The following TLK1 variants were observed in gnomAD, a reference collection of about 807,000 sequenced individuals.
TLK1 encodes the protein serine/threonine-protein kinase tousled-like 1.
TLK1 carries 24 observed loss-of-function variants against 105.3 expected under a neutral mutation model. The observed-to-expected ratio is 0.23, with a 90% confidence interval of 0.17 to 0.32. TLK1 has a LOEUF of 0.32. Ranked by LOEUF, TLK1 falls within the 10% of genes least tolerant of loss-of-function variation. The pLI, the probability that TLK1 is intolerant of heterozygous loss-of-function variation, is 1.00. For missense variants in TLK1, 558 were observed against 910.5 expected (o/e 0.61, Z 4.98); for synonymous variants, 321 against 310.4 (o/e 1.03, Z -0.36).
chr2:171,098,815 C>T (rs989460719), intron 2 of TLK1, among the ~76,000 whole-genome samples: 7 of 152,074 alleles, frequency 4.6e-5, no homozygotes, highest in Non-Finnish European at 7.4e-5. Flanking sequence ...GTTAGTTCAA[C>T]ATACACCAGC....
chr2:171,182,411 T>G (rs909465617), intron 1 of TLK1, among the ~76,000 whole-genome samples: 25 of 152,192 alleles, frequency 1.6e-4, no homozygotes, highest in Admixed American at 9.2e-4. Flanking sequence ...GGGCTACTTA[T>G]TAGAATGCAG....
At chr2:171,121,107 T>C (rs1238190296) in intron 1 of TLK1, among the ~76,000 whole-genome samples, 2 of 152,146 alleles carry the variant, frequency 1.3e-5, no homozygotes, top group Non-Finnish European at 2.9e-5. Flanking sequence ...GTACAGAGTT[T>C]CAGCTGAGGA....
intron 14 of TLK1, among the ~76,000 whole-genome samples, chr2:171,009,392 C>T (rs1398279937): frequency 6.7e-6 from 1 of 149,974 alleles, no homozygotes; most frequent in Non-Finnish European, 1.5e-5. Flanking sequence ...CAACCTCCCA[C>T]CACCAAGGTT....
chr2:171,122,254 G>A (rs1256504203), intron 1 of TLK1, among the ~76,000 whole-genome samples: 3 of 152,102 alleles, frequency 2.0e-5, no homozygotes, highest in East Asian at 1.9e-4. Flanking sequence ...GTGAGCCACC[G>A]CACCCGGCCC....
At chr2:171,140,109 T>C (rs915006682) in intron 1 of TLK1, among the ~76,000 whole-genome samples, 3 of 152,180 alleles carry the variant, frequency 2.0e-5, no homozygotes, top group East Asian at 3.9e-4. Context: ...GGACCCGATA[T>C]AACCAATTGA....
In TLK1 at chr2:171,006,834, T is replaced by C; in HGVS notation, c.1564A>G (p.Lys522Glu). ...HKELDHPRIV[K>E]LYDYFSLDTD... ...TCCAAGGAGAAATAATCATAGAGTT[T>C]AACTATTCTGGGGTGATCCAGTTCT... Residue 522 changes from lysine to glutamate, a missense_variant, in exon 16 of 21, where the codon AAA becomes GAA. By Grantham distance (56) the Lys-to-Glu change is moderately conservative (BLOSUM62 1). This residue lies in a region of TLK1 where 218 missense variants were observed against 492.9 expected (regional missense o/e 0.44). Transcript: ENST00000431350. The C allele has an allele frequency of 6.2e-7, 1 of 1,613,250 alleles. No individual in the cohort carries two copies. Among genetic ancestry groups the C allele is most frequent in the East Asian group, 2.2e-5 (1 of 44,740 alleles).
chr2:171,203,144 C>A (rs1693434831), intron 1 of TLK1, among the ~76,000 whole-genome samples: 1 of 151,746 alleles, frequency 6.6e-6, no homozygotes. Context: ...TCCCCATGCC[C>A]TCTTGGTGAG....
chr2:171,123,827 C>CA (rs1386285960), intron 1 of TLK1, among the ~76,000 whole-genome samples: 1 of 151,888 alleles, frequency 6.6e-6, no homozygotes, highest in African/African-American at 2.4e-5. Context: ...AACAAACAAA[C>CA]AAAAAAACAC....
intron 1 of TLK1, among the ~76,000 whole-genome samples, chr2:171,139,868 C>G (rs1407475332): frequency 2.0e-5 from 3 of 152,092 alleles, no homozygotes; most frequent in Non-Finnish European, 2.9e-5. Flanking sequence ...AACTGTTACA[C>G]CTCAAATCAT....
At position 170,996,516 on chromosome 2, in the gene TLK1, T is replaced by C. The variant is rs554879640; in HGVS notation, c.2124+137A>G. On this transcript the variant is annotated intron_variant, in intron 20 of 20. Coordinates refer to ENST00000431350, the MANE Select transcript of TLK1 (RefSeq NM_012290.5). ...ATGCAACTCCTTCTCTGAAAGTAAA[T>C]CACCAGCCCCTGCTGGACAGATCCC... 5.4e-5 allele frequency: 30 copies of C among 556,930 alleles called. No individual in the cohort carries two copies. The African/African-American group carries it at 5.7e-4, about 10-fold the overall frequency. The allele number at this position is 556,930 out of a possible 1,614,324, so 34.5% of individuals were successfully genotyped here.
At chr2:171,194,820 GAAAAAAAA>G (rs370489277) in intron 1 of TLK1, among the ~76,000 whole-genome samples, 1 of 94,386 alleles carries the variant, frequency 1.1e-5, no homozygotes, top group African/African-American at 4.6e-5. Context: ...CCGTCTCAGG[GAAAAAAAA>G]AAAAAAAAAA....
intron 11 of TLK1, among the ~76,000 whole-genome samples, chr2:171,039,170 T>C (rs1421570057): frequency 1.3e-5 from 2 of 152,222 alleles, no homozygotes; most frequent in Non-Finnish European, 2.9e-5. Context: ...TATTTCAATA[T>C]GTCTTTTTTC....
At chr2:171,044,212 C>CA (rs1686829857) in intron 11 of TLK1, among the ~76,000 whole-genome samples, 2 of 151,994 alleles carry the variant, frequency 1.3e-5, no homozygotes, top group Non-Finnish European at 2.9e-5. Flanking sequence ...AGCTTGAGCC[C>CA]AGGAGTTCAA....
At chr2:171,127,363 C>T (rs1257269785) in intron 1 of TLK1, among the ~76,000 whole-genome samples, 1 of 151,676 alleles carries the variant, frequency 6.6e-6, no homozygotes, top group South Asian at 2.1e-4. Flanking sequence ...CTTGAAACAT[C>T]CATTTTAACA....
intron 8 of TLK1, among the ~76,000 whole-genome samples, chr2:171,052,192 T>C (rs1011639085): frequency 2.0e-5 from 3 of 151,998 alleles, no homozygotes; most frequent in Non-Finnish European, 4.4e-5. Context: ...CCCGGGAGTT[T>C]GAGGCTACAG....
chr2:171,139,022 A>C (rs1575621993), intron 1 of TLK1, among the ~76,000 whole-genome samples: 1 of 152,306 alleles, frequency 6.6e-6, no homozygotes, highest in South Asian at 2.1e-4. Flanking sequence ...GAAAGCTAAA[A>C]CTTTTTTATA....
chr2:171,147,207 C>T (rs1031014464), intron 1 of TLK1, among the ~76,000 whole-genome samples: 2 of 152,158 alleles, frequency 1.3e-5, no homozygotes, highest in Non-Finnish European at 2.9e-5. Context: ...CATTACTAGG[C>T]TTCAGGTCCA....
At position 171,160,829 on chromosome 2, in the gene TLK1, G is replaced by C; in HGVS notation, c.-401C>G. ...CACCTCTGCAGTGCGTCGGCCCCCG[G>C]CGTCGCCCGGGAGGCGGCGGCGGCG... On this transcript the variant is annotated 5_prime_UTR_variant, in exon 1 of 21. Coordinates refer to ENST00000431350, the MANE Select transcript of TLK1 (RefSeq NM_012290.5). The surrounding 1 kb of genome is among the most constrained non-coding windows in gnomAD (Gnocchi z 4.4). 1 of 343,488 alleles carries C rather than the reference G, an allele frequency of 2.9e-6. No individual in the cohort carries two copies. Among genetic ancestry groups the C allele is most frequent in the Non-Finnish European group, 5.2e-6 (1 of 192,594 alleles). The allele number at this position is 343,488 out of a possible 1,614,324, so 21.3% of individuals were successfully genotyped here.
intron 2 of TLK1, among the ~76,000 whole-genome samples, chr2:171,116,697 CAAA>C (rs71008750): frequency 5.8e-5 from 7 of 121,436 alleles, no homozygotes; most frequent in Admixed American, 8.8e-5. Context: ...GAGACTCCCT[CAAA>C]AAAAAAAAAA....
Sources: gnomAD v4.1 joint callset for allele counts (sites outside exome capture counted in the v4.1 genomes callset) on GRCh38, gnomAD v4.1.1 for gene constraint, gnomAD v4.1.1 regional missense constraint, Gnocchi (gnomAD v3.1) non-coding constraint, MANE v1.5 for transcripts, NCBI Gene and HGNC (gene_info 2026-07-23, HGNC 2026-07-21) for gene names.